NSD1: variants seen among roughly 807,000 people sequenced by gnomAD.
NSD1 encodes the protein nuclear receptor binding SET domain protein 1.
A neutral mutation model predicts 242.7 loss-of-function variants in NSD1; 26 were observed. The observed-to-expected ratio is 0.11, with a 90% CI of 0.08 to 0.15. The LOEUF (loss-of-function observed/expected upper bound fraction) is 0.15. Ranked by LOEUF, NSD1 falls within the 10% of genes least tolerant of loss-of-function variation. The pLI is 1.00. For missense variants in NSD1, 2,495 were observed against 3,272.8 expected (o/e 0.76, Z 5.80); for synonymous variants, 1,106 against 1,178.1 (o/e 0.94, Z 1.25).
intron 2 of NSD1, among the ~76,000 whole-genome samples, chr5:177,145,109 C>G (rs1757128475): frequency 6.7e-6 from 1 of 148,702 alleles, no homozygotes; most frequent in Non-Finnish European, 1.5e-5. Context: ...AAAAGTCAAA[C>G]TTAAAAATGG....
intron 2 of NSD1, among the ~76,000 whole-genome samples, chr5:177,142,811 C>G (rs1442923898): frequency 3.9e-5 from 6 of 152,154 alleles, no homozygotes; most frequent in Non-Finnish European, 8.8e-5. Flanking sequence ...AAATTTGTAA[C>G]CTAAATGCCT....
At chr5:177,203,362 C>G (rs986967666) in intron 3 of NSD1, among the ~76,000 whole-genome samples, 1 of 151,706 alleles carries the variant, frequency 6.6e-6, no homozygotes, top group Admixed American at 6.6e-5. Flanking sequence ...ATGTATAGAA[C>G]TTTAGATAAC....
intron 5 of NSD1, among the ~76,000 whole-genome samples, chr5:177,231,365 G>A (rs376166271): frequency 5.9e-5 from 9 of 152,178 alleles, no homozygotes; most frequent in South Asian, 2.1e-4. Flanking sequence ...GATTACAGGC[G>A]TGGGCCACTT....
intron 5 of NSD1, among the ~76,000 whole-genome samples, chr5:177,220,654 C>G (rs1764165072): frequency 6.8e-6 from 1 of 146,676 alleles, no homozygotes; most frequent in Non-Finnish European, 1.5e-5. Context: ...ACTGCAAACT[C>G]CGCCTCCCGG....
intron 20 of NSD1, among the ~76,000 whole-genome samples, chr5:177,284,334 A>G (rs961349353): frequency 1.3e-5 from 2 of 152,312 alleles, no homozygotes; most frequent in Middle Eastern, 3.4e-3. Context: ...AGGCTGCACT[A>G]CAGTGGCACC....
intron 5 of NSD1, among the ~76,000 whole-genome samples, chr5:177,212,995 C>A (rs1258732956): frequency 6.6e-6 from 1 of 152,084 alleles, no homozygotes; most frequent in African/African-American, 2.4e-5. Context: ...ATTTGATGAA[C>A]CACATGCGCT....
At chr5:177,178,127 C>G (rs761053829) in intron 2 of NSD1, among the ~76,000 whole-genome samples, 1 of 152,030 alleles carries the variant, frequency 6.6e-6, no homozygotes, top group African/African-American at 2.4e-5. Flanking sequence ...ACTCTTGGGC[C>G]TCAAGTGATC....
At chr5:177,133,144 C>G (rs1032203308), upstream of NSD1, 7 of 152,520 alleles carry the variant, frequency 4.6e-5, no homozygotes, top group African/African-American at 1.7e-4. This position sits in a 1 kb window ranked among gnomAD's most constrained non-coding sequence, Gnocchi z 6.2. Flanking sequence ...GACCCCAGCC[C>G]AAGCCCCCAG....
intron 20 of NSD1, among the ~76,000 whole-genome samples, chr5:177,285,512 C>T (rs181561112): frequency 7.6e-6 from 1 of 131,420 alleles, no homozygotes; most frequent in Non-Finnish European, 1.5e-5. Context: ...TGTAGTGAGC[C>T]GAGATCGTGC....
At chr5:177,228,105 T>G (rs989127688) in intron 5 of NSD1, among the ~76,000 whole-genome samples, 12 of 152,068 alleles carry the variant, frequency 7.9e-5, no homozygotes, top group Non-Finnish European at 1.8e-4. Context: ...ATCTAGAAAC[T>G]CATTTTTCAC....
rs1760671167 is a variant in NSD1, at chr5:177,181,430, T to TG, written c.928-10454_928-10453insG. ...CTTCATTATGGGTTTTTTTTTGGTTTTTTTTTTTTTTTTTTGGCAGGTTCT... is the reference window on the plus strand; with the variant it reads ...CTTCATTATGGGTTTTTTTTTGGTTTGTTTTTTTTTTTTTTTGGCAGGTTCT... On this transcript the variant is annotated intron_variant, in intron 2 of 22. Coordinates refer to ENST00000439151, the MANE Select transcript of NSD1 (RefSeq NM_022455.5). Among the ~76,000 whole-genome samples the TG allele has an allele frequency of 2.8e-5, 4 of 142,196 alleles. No individual in the cohort carries two copies. The South Asian group carries it at 6.9e-4, about 25-fold the overall frequency. 93.3% of individuals were successfully genotyped at this position (142,196 alleles called of 152,430 possible).
At chr5:177,152,218 C>T (rs749682074) in intron 2 of NSD1, among the ~76,000 whole-genome samples, 3 of 151,392 alleles carry the variant, frequency 2.0e-5, no homozygotes, top group Non-Finnish European at 4.4e-5. Flanking sequence ...GTTCCCTAGG[C>T]TAGTCTTTAA....
At chr5:177,150,644 A>G (rs556511882) in intron 2 of NSD1, among the ~76,000 whole-genome samples, 4 of 152,276 alleles carry the variant, frequency 2.6e-5, no homozygotes, top group African/African-American at 4.8e-5. Flanking sequence ...GATAAAATCT[A>G]TTTTAGAGAA....
At chr5:177,253,134 G>A (rs1293378551) in intron 12 of NSD1, among the ~76,000 whole-genome samples, 2 of 152,226 alleles carry the variant, frequency 1.3e-5, no homozygotes, top group East Asian at 3.9e-4. Flanking sequence ...GTGAGAAAAT[G>A]CTTCAATTTT....
Position 177,296,055 on chromosome 5 carries a change from A to G in NSD1, c.*596A>G. 3.9e-6 allele frequency: 1 copy of G among 256,172 alleles called. No homozygotes were observed. The highest frequency in any genetic ancestry group is 5.4e-5 in the East Asian group (1 of 18,380). The allele number at this position is 256,172 out of a possible 1,614,324, so 15.9% of individuals were successfully genotyped here. ...CCTGGGGCTTTAGACTCATTTTGAA[A>G]TGTCCTTTGTGGCACCAGAAGTGGT... On this transcript the variant is annotated 3_prime_UTR_variant, in exon 23 of 23. Coordinates refer to ENST00000439151, the MANE Select transcript of NSD1 (RefSeq NM_022455.5).
Position 177,297,466 on chromosome 5 carries a change from G to T in NSD1, c.*2007G>T, listed in dbSNP as rs140883912. Reference sequence around the variant, plus strand: ...AATAATAAATATATAACTGCAGCTAGTAGGTCCCTTTCCCTAATCTTTTAG... The same window carrying T: ...AATAATAAATATATAACTGCAGCTATTAGGTCCCTTTCCCTAATCTTTTAG... On this transcript the variant is annotated 3_prime_UTR_variant, in exon 23 of 23. Transcript: ENST00000439151. 1.3e-5 allele frequency: 3 copies of T among 231,432 alleles called. No homozygotes were observed. The highest frequency in any genetic ancestry group is 6.6e-5 in the African/African-American group (3 of 45,226). 14.3% of individuals were successfully genotyped at this position (231,432 alleles called of 1,614,324 possible).
At chr5:177,140,046 G>A (rs753886659) in intron 2 of NSD1, among the ~76,000 whole-genome samples, 13 of 152,174 alleles carry the variant, frequency 8.5e-5, no homozygotes, top group Admixed American at 2.0e-4. Context: ...CATATTTTCT[G>A]TTATTTTGTG....
chr5:177,158,397 G>A (rs561102684), intron 2 of NSD1, among the ~76,000 whole-genome samples: 10 of 150,706 alleles, frequency 6.6e-5, no homozygotes, highest in African/African-American at 2.4e-4. Context: ...GGAGTGCAGT[G>A]GCATGGTCTT....
At chr5:177,247,722 G>C (rs1351912536) in intron 10 of NSD1, among the ~76,000 whole-genome samples, 1 of 152,172 alleles carries the variant, frequency 6.6e-6, no homozygotes, top group Non-Finnish European at 1.5e-5. Flanking sequence ...CAAAGCATCA[G>C]TGCAATCATT....
Sources: gnomAD v4.1 joint callset for allele counts (sites outside exome capture counted in the v4.1 genomes callset) on GRCh38, gnomAD v4.1.1 for gene constraint, Gnocchi (gnomAD v3.1) non-coding constraint, MANE v1.5 for transcripts, NCBI Gene and HGNC (gene_info 2026-07-23, HGNC 2026-07-21) for gene names.